Variants in B3GALNT1 observed in about 807,000 individuals in gnomAD.
The protein encoded by B3GALNT1 is UDP-GalNAc:beta-1,3-N-acetylgalactosaminyltransferase 1.
A neutral mutation model predicts 27.3 loss-of-function variants in B3GALNT1; 17 were observed. The ratio of observed to expected loss-of-function variants is 0.62; its 90% CI spans 0.43 to 0.94. The LOEUF is 0.94. Among genes scored for constraint, B3GALNT1 ranks in the 40% least tolerant of loss-of-function variants. B3GALNT1 has a pLI of 0.00. For synonymous variants in B3GALNT1, 141 were observed against 144.0 expected, an observed-to-expected ratio of 0.98 and a Z score of 0.15; for missense variants, 347 against 390.0, an observed-to-expected ratio of 0.89 and a Z score of 0.93.
chr3:161,102,913 T>G (rs1197180092), intron 3 of B3GALNT1, among the ~76,000 whole-genome samples: 1 of 152,104 alleles, frequency 6.6e-6, no homozygotes, highest in Admixed American at 6.5e-5. Context: ...ACATCATCCA[T>G]CCAAAGGGGA....
At chr3:161,099,509 G>A (rs892141592) in intron 4 of B3GALNT1, among the ~76,000 whole-genome samples, 3 of 152,270 alleles carry the variant, frequency 2.0e-5, no homozygotes, top group African/African-American at 7.2e-5. Context: ...TATGATAAAA[G>A]GTGGTGAAGT....
Position 161,086,570 on chromosome 3 carries a change from T to C in B3GALNT1, c.185A>G (p.Asp62Gly), listed in dbSNP as rs145428915. The C allele has an allele frequency of 1.2e-6, 2 of 1,614,032 alleles. No individual in the cohort carries two copies. The highest frequency in any genetic ancestry group is 2.7e-5 in the African/African-American group (2 of 74,910). ...ATGCTCTCGAAGTGTGAAGTGAAAG[T>C]CTTGTCTGTAAATCGGCTCATACTC... ...FYEYEPIYRQ[D>G]FHFTLREHSN... The change falls in exon 5 of 5, where the codon GAC (aspartate) becomes GGC (glycine). Residue 62 changes from aspartate to glycine, a missense_variant. Coordinates refer to ENST00000320474, the MANE Select transcript of B3GALNT1 (RefSeq NM_003781.4).
chr3:161,094,891 T>C (rs1727272719), intron 4 of B3GALNT1, among the ~76,000 whole-genome samples: 1 of 152,208 alleles, frequency 6.6e-6, no homozygotes. Context: ...TCTGGCTCCA[T>C]GGGTTTATAT....
Position 161,085,856 on chromosome 3 carries a change from C to CA in B3GALNT1, c.898dup (p.Cys300LeufsTer70). 1 of 1,614,098 alleles carries CA rather than the reference C, an allele frequency of 6.2e-7. No homozygotes were observed. Among genetic ancestry groups the CA allele is most frequent in the Non-Finnish European group, 8.5e-7 (1 of 1,179,992 alleles). ...GGCTGCAATCACACGTCTCAGTTGA[C>CA]AGACATCCAAATGGATTCTATATAG... On this transcript the variant is annotated frameshift_variant, in exon 5 of 5. Coordinates refer to ENST00000320474, the MANE Select transcript of B3GALNT1 (RefSeq NM_003781.4). LOFTEE classifies it high-confidence loss of function.
chr3:161,086,489 G>T lies in B3GALNT1; in HGVS notation c.266C>A (p.Ser89Ter). ...FLVILVTSHP[S>*]DVKARQAIRV... ...AATGGCCTGCCTGGCTTTCACATCT[G>T]AAGGGTGGGAGGTCACCAGAATGAC... Residue 89 changes from serine to a stop codon, truncating the protein, a stop_gained, in exon 5 of 5, where the codon TCA becomes TAA. Transcript: ENST00000320474. LOFTEE classifies it high-confidence loss of function. 4 of 1,614,082 alleles carry T rather than the reference G, an allele frequency of 2.5e-6. No homozygotes were observed. Among genetic ancestry groups the T allele is most frequent in the Non-Finnish European group, 3.4e-6 (4 of 1,180,048 alleles).
At chr3:161,103,963 G>T (rs1039012146) in intron 2 of B3GALNT1, 1 of 203,192 alleles carries the variant, frequency 4.9e-6, no homozygotes, top group Non-Finnish European at 1.0e-5. Context: ...CCGACCTGAG[G>T]TGATCTGCCC....
chr3:161,102,737 G>A (rs988172669), intron 3 of B3GALNT1, among the ~76,000 whole-genome samples: 8 of 152,094 alleles, frequency 5.3e-5, no homozygotes, highest in African/African-American at 1.9e-4. Flanking sequence ...CACACAGTGG[G>A]AGTTTACCCC....
chr3:161,098,520 C>T (rs1465253128), intron 4 of B3GALNT1, among the ~76,000 whole-genome samples: 1 of 152,162 alleles, frequency 6.6e-6, no homozygotes, highest in East Asian at 1.9e-4. Flanking sequence ...TCAAGAGCAG[C>T]CTGGCAACAT....
intron 4 of B3GALNT1, among the ~76,000 whole-genome samples, chr3:161,100,390 G>T (rs770149640): frequency 6.6e-6 from 1 of 152,116 alleles, no homozygotes; most frequent in Admixed American, 6.5e-5. Flanking sequence ...TCCCAATTCT[G>T]CCCTTGAAAC....
chr3:161,102,752 C>T lies in B3GALNT1; in HGVS notation c.-130+675G>A, dbSNP rs138445897. Among the ~76,000 whole-genome samples the T allele has an allele frequency of 5.9e-5, 9 of 152,210 alleles. No individual in the cohort carries two copies. The East Asian group carries it at 1.5e-3, about 26-fold the overall frequency. The stretch of plus-strand genomic sequence containing the variant: ...CACACAGTGGGAGTTTACCCCATAG[C>T]GAGCAACCATGATCCATCCTGTTAA... On this transcript the variant is annotated intron_variant, in intron 3 of 4. Coordinates refer to ENST00000320474, the MANE Select transcript of B3GALNT1 (RefSeq NM_003781.4).
Position 161,084,027 on chromosome 3 carries a change from A to C in B3GALNT1, c.*1732T>G, listed in dbSNP as rs1720597271. 6.6e-6 allele frequency: 1 copy of C among 152,236 alleles called. No homozygotes were observed. Among genetic ancestry groups the C allele is most frequent in the East Asian group, 1.9e-4 (1 of 5,200 alleles). The allele number at this position is 152,236 out of a possible 1,614,324, so 9.4% of individuals were successfully genotyped here. A position where few individuals can be genotyped will look rare whatever the true frequency, so the allele number is the denominator to read the frequency against. ...CAGCATCTCCACAGACACGTGAGTA[A>C]TGCACTAGGCTATGACATTAAAACG... On this transcript the variant is annotated 3_prime_UTR_variant, in exon 5 of 5. Coordinates refer to ENST00000320474, the MANE Select transcript of B3GALNT1 (RefSeq NM_003781.4).
At chr3:161,104,250 C>T in intron 2 of B3GALNT1, 69 bp downstream of exon 2, 2 of 1,219,094 alleles carry the variant, frequency 1.6e-6, no homozygotes, top group Non-Finnish European at 2.1e-6. Context: ...CCTTCTTTTG[C>T]TTAAGCCTCC....
In B3GALNT1 at chr3:161,085,552, T is replaced by C; in HGVS notation, c.*207A>G. On this transcript the variant is annotated 3_prime_UTR_variant, in exon 5 of 5. Coordinates refer to ENST00000320474, the MANE Select transcript of B3GALNT1 (RefSeq NM_003781.4). ...TTAGCAAAAACCTCCAATTCCTTTA[T>C]ATTTAATTCCTCCACATATCATCTT... 5.2e-6 allele frequency: 3 copies of C among 578,520 alleles called. No individual in the cohort carries two copies. The highest frequency in any genetic ancestry group is 9.1e-6 in the Non-Finnish European group (3 of 328,532). The allele number at this position is 578,520 out of a possible 1,614,324, so 35.8% of individuals were successfully genotyped here.
chr3:161,105,294 G>A lies in B3GALNT1; in HGVS notation c.-368C>T. The stretch of plus-strand genomic sequence containing the variant: ...GGAAGGTGGCCGGCGTTCTCTCCCT[G>A]CGCACACACGCAGCCTCCCCGCATC... On this transcript the variant is annotated 5_prime_UTR_variant, in exon 1 of 5. An upstream open reading frame in the 5' UTR gains an earlier in-frame stop. Transcript: ENST00000320474. The A allele has an allele frequency of 6.6e-6, 1 of 151,934 alleles. No homozygotes were observed. The highest frequency in any genetic ancestry group is 1.9e-4 in the East Asian group (1 of 5,138). 9.4% of individuals were successfully genotyped at this position (151,934 alleles called of 1,614,324 possible). A position where few individuals can be genotyped will look rare whatever the true frequency, so the allele number is the denominator to read the frequency against.
chr3:161,087,192 A>G (rs1722501484), intron 4 of B3GALNT1, among the ~76,000 whole-genome samples: 1 of 152,232 alleles, frequency 6.6e-6, no homozygotes, highest in Non-Finnish European at 1.5e-5. Context: ...ACTATAAAAA[A>G]AGAAGGATTT....
At chr3:161,093,226 T>C (rs992792117) in intron 4 of B3GALNT1, among the ~76,000 whole-genome samples, 15 of 152,230 alleles carry the variant, frequency 9.9e-5, no homozygotes, top group African/African-American at 2.2e-4. Flanking sequence ...TTTGAGGTTA[T>C]AGATATCCTG....
chr3:161,099,226 G>C (rs1729864039), intron 4 of B3GALNT1, among the ~76,000 whole-genome samples: 2 of 152,130 alleles, frequency 1.3e-5, no homozygotes, highest in East Asian at 3.9e-4. Context: ...CCTATCTTTA[G>C]CCTTTTCTCA....
At position 161,085,844 on chromosome 3, in the gene B3GALNT1, C is replaced by T. The variant is rs759598397; in HGVS notation, c.911G>A (p.Arg304His). The change falls in exon 5 of 5, where the codon CGT (arginine) becomes CAT (histidine). Residue 304 changes from arginine to histidine, a missense_variant. Arg to His is a conservative substitution (Grantham distance 29). Coordinates refer to ENST00000320474, the MANE Select transcript of B3GALNT1 (RefSeq NM_003781.4). ...RIHLDVCQLR[R>H]VIAAHGFSSK... is the part of the protein sequence containing the mutation. The stretch of plus-strand genomic sequence containing the variant: ...AGAAAAGCCATGGGCTGCAATCACA[C>T]GTCTCAGTTGACAGACATCCAAATG... The T allele has an allele frequency of 5.6e-6, 9 of 1,614,008 alleles. No homozygotes were observed. The highest frequency in any genetic ancestry group is 6.8e-6 in the Non-Finnish European group (8 of 1,180,026).
chr3:161,091,088 T>C (rs1253844061), intron 4 of B3GALNT1, among the ~76,000 whole-genome samples: 1 of 152,002 alleles, frequency 6.6e-6, no homozygotes, highest in Non-Finnish European at 1.5e-5. Flanking sequence ...GGCAACATAG[T>C]GAGACCCTGT....
Sources: gnomAD v4.1 joint callset for allele counts (sites outside exome capture counted in the v4.1 genomes callset) on GRCh38, gnomAD v4.1.1 for gene constraint, MANE v1.5 for transcripts, NCBI Gene and HGNC (gene_info 2026-07-23, HGNC 2026-07-21) for gene names.